The following POC1B variants were observed in gnomAD, a reference collection of about 807,000 sequenced individuals.
POC1B encodes the protein POC1 centriolar protein homolog B.
POC1B carries 44 observed loss-of-function variants against 60.6 expected under a neutral mutation model. The ratio of observed to expected loss-of-function variants is 0.73; its 90% CI spans 0.57 to 0.93. The LOEUF is 0.93. Ranked by LOEUF, POC1B falls within the 40% of genes least tolerant of loss-of-function variation. The probability of loss-of-function intolerance (pLI) is 0.00; values close to 1 mark genes in which losing one functional copy is unlikely to be tolerated. For synonymous variants in POC1B, 180 were observed against 198.9 expected (o/e 0.90, Z 0.80); for missense variants, 555 against 572.3 (o/e 0.97, Z 0.31).
Position 89,442,041 on chromosome 12 carries a change from G to A in POC1B, c.1114-16662C>T, listed in dbSNP as rs183889721. 9.9e-5 allele frequency among the ~76,000 whole-genome samples: 15 copies of A among 152,252 alleles called. No homozygotes were observed. The East Asian group carries it at 1.4e-3, about 14-fold the overall frequency. ...GAAGATCAAATGAATGAAATGAAGCGAGAAGTTTAGAGAAAAAAGAGTAAA... is the reference window on the plus strand; with the variant it reads ...GAAGATCAAATGAATGAAATGAAGCAAGAAGTTTAGAGAAAAAAGAGTAAA... On this transcript the variant is annotated intron_variant, in intron 10 of 11. Transcript: ENST00000313546.
intron 10 of POC1B, among the ~76,000 whole-genome samples, chr12:89,443,361 C>G (rs540942013): frequency 6.6e-6 from 1 of 152,302 alleles, no homozygotes; most frequent in South Asian, 2.1e-4. Context: ...AAGTAAAGCA[C>G]AACTCAGCAA....
intron 4 of POC1B, among the ~76,000 whole-genome samples, chr12:89,488,835 T>G (rs1868785327): frequency 6.6e-6 from 1 of 152,158 alleles, no homozygotes; most frequent in Non-Finnish European, 1.5e-5. Flanking sequence ...CATTCTATTT[T>G]GCTTAGTTAA....
Position 89,467,611 on chromosome 12 carries a change from A to T in POC1B, c.879+6T>A. Reference sequence around the variant, plus strand: ...AAATCAAAGAGGAGCTGAAAGATTTACAAACCTGTGTGTCTGCACCTCCTG... The same window carrying T: ...AAATCAAAGAGGAGCTGAAAGATTTTCAAACCTGTGTGTCTGCACCTCCTG... On this transcript the variant is annotated splice_donor_region_variant and intron_variant, in intron 8 of 11. Transcript: ENST00000313546. The T allele has an allele frequency of 6.2e-7, 1 of 1,607,004 alleles. No homozygotes were observed. Among genetic ancestry groups the T allele is most frequent in the South Asian group, 1.1e-5 (1 of 90,458 alleles).
chr12:89,463,984 T>C (rs1192200780), intron 9 of POC1B, among the ~76,000 whole-genome samples: 1 of 152,202 alleles, frequency 6.6e-6, no homozygotes, highest in African/African-American at 2.4e-5. Context: ...CAGATGAGTC[T>C]CATAGAAAAC....
chr12:89,458,454 T>C (rs1248251444), intron 10 of POC1B, among the ~76,000 whole-genome samples: 3 of 152,210 alleles, frequency 2.0e-5, no homozygotes, highest in East Asian at 1.9e-4. Flanking sequence ...GTCCTAGTGG[T>C]CACCAGTGAT....
intron 1 of POC1B, chr12:89,525,536 G>T (rs993770562): frequency 1.8e-5 from 23 of 1,298,340 alleles, no homozygotes; most frequent in Non-Finnish European, 2.2e-5. Context: ...GCGAGGATGC[G>T]CCTCGGCTTT....
At chr12:89,519,551 T>C (rs994014944) in intron 2 of POC1B, 2 of 152,602 alleles carry the variant, frequency 1.3e-5, no homozygotes, top group Admixed American at 1.3e-4. Flanking sequence ...TCAACGTTCT[T>C]TGTGCTCATT....
intron 4 of POC1B, among the ~76,000 whole-genome samples, chr12:89,476,563 CT>C (rs1270805881): frequency 2.6e-5 from 4 of 152,084 alleles, no homozygotes; most frequent in Non-Finnish European, 5.9e-5. Flanking sequence ...CAAAAATTAG[CT>C]GGGCCTGGTG....
intron 10 of POC1B, among the ~76,000 whole-genome samples, chr12:89,455,658 T>C (rs911324211): frequency 9.2e-5 from 14 of 152,352 alleles, no homozygotes; most frequent in African/African-American, 3.1e-4. Flanking sequence ...CTGTAGACCC[T>C]TGGATTTTTT....
At chr12:89,511,932 T>C (rs945455826) in intron 2 of POC1B, among the ~76,000 whole-genome samples, 7 of 151,972 alleles carry the variant, frequency 4.6e-5, no homozygotes, top group Non-Finnish European at 7.4e-5. Flanking sequence ...CGTGCACCTA[T>C]AGTACTAGCT....
At chr12:89,461,961 C>T (rs1478034476) in intron 9 of POC1B, 1 of 152,186 alleles carries the variant, frequency 6.6e-6, no homozygotes, top group East Asian at 1.9e-4. Context: ...TATCTACTGC[C>T]ACCTAGTGTA....
chr12:89,525,104 C>G lies in POC1B; in HGVS notation c.100+16G>C. ...GTTTAGTCTCATTACAAAAGCAAAA[C>G]AAGAATAAGACTTACCAAGTTGCTT... On this transcript the variant is annotated intron_variant, in intron 2 of 11. Coordinates refer to ENST00000313546, the MANE Select transcript of POC1B (RefSeq NM_172240.3). 1.2e-6 allele frequency: 2 copies of G among 1,613,984 alleles called. No individual in the cohort carries two copies. The highest frequency in any genetic ancestry group is 1.3e-5 in the African/African-American group (1 of 75,054).
intron 2 of POC1B, chr12:89,523,903 G>A: frequency 6.3e-7 from 1 of 1,591,170 alleles, no homozygotes; most frequent in Non-Finnish European, 8.5e-7. Flanking sequence ...AGTGGCGAAA[G>A]TGGCCCCAAT....
chr12:89,453,632 T>C (rs1022660662), intron 10 of POC1B, among the ~76,000 whole-genome samples: 3 of 152,246 alleles, frequency 2.0e-5, no homozygotes, highest in African/African-American at 2.4e-5. Context: ...TTAAAAACTT[T>C]ACATTGCGTA....
At chr12:89,467,950 A>C (rs1320959171) in intron 7 of POC1B, among the ~76,000 whole-genome samples, 1 of 152,180 alleles carries the variant, frequency 6.6e-6, no homozygotes, top group Non-Finnish European at 1.5e-5. Flanking sequence ...CTTTCAAGAA[A>C]AGCTTTTACA....
chr12:89,523,416 A>T (rs1205862001), intron 2 of POC1B: 1 of 1,614,028 alleles, frequency 6.2e-7, no homozygotes, highest in Non-Finnish European at 8.5e-7. Flanking sequence ...CCCGAGCAGT[A>T]TTCTGTAGGA....
intron 2 of POC1B, among the ~76,000 whole-genome samples, chr12:89,508,774 T>C (rs1190565874): frequency 6.6e-6 from 1 of 152,204 alleles, no homozygotes. Context: ...TCTCACAAGA[T>C]CCGATGGTTT....
At chr12:89,522,525 T>A (rs1870971242) in intron 2 of POC1B, 3 of 351,504 alleles carry the variant, frequency 8.5e-6, no homozygotes, top group South Asian at 1.3e-4. Context: ...GGCACTTAAA[T>A]GTTTTGTGTG....
the POC1B span, among the ~76,000 whole-genome samples, chr12:89,413,895 TTTA>T: frequency 2.0e-5 from 3 of 152,120 alleles, no homozygotes; most frequent in Non-Finnish European, 4.4e-5. Context: ...TATTTATTTA[TTTA>T]TTTTTTCTTT....
Sources: gnomAD v4.1 joint callset for allele counts (sites outside exome capture counted in the v4.1 genomes callset) on GRCh38, gnomAD v4.1.1 for gene constraint, MANE v1.5 for transcripts, NCBI Gene and HGNC (gene_info 2026-07-23, HGNC 2026-07-21) for gene names.